Variants in EXOC6B observed in about 807,000 individuals in gnomAD.
EXOC6B encodes SEC15 homolog B.
In EXOC6B, 54 loss-of-function variants were observed where a neutral mutation model predicts 113.5. The ratio of observed to expected loss-of-function variants is 0.48; its 90% confidence interval spans 0.38 to 0.60. EXOC6B has a LOEUF of 0.60. Among genes scored for constraint, EXOC6B ranks in the 20% least tolerant of loss-of-function variants. The pLI, the probability that EXOC6B is intolerant of heterozygous loss-of-function variation, is 0.00. For synonymous variants in EXOC6B, 357 were observed against 339.0 expected (o/e 1.05, Z -0.58); for missense variants, 797 against 977.5 (o/e 0.82, Z 2.46).
intron 19 of EXOC6B, among the ~76,000 whole-genome samples, chr2:72,367,290 T>A (rs1282371670): frequency 6.6e-6 from 1 of 150,544 alleles, no homozygotes; most frequent in East Asian, 2.0e-4. Flanking sequence ...TACAACAGAG[T>A]CTGAGCTAAT....
intron 6 of EXOC6B, among the ~76,000 whole-genome samples, chr2:72,586,849 A>G (rs1362792939): frequency 6.6e-6 from 1 of 152,164 alleles, no homozygotes; most frequent in Admixed American, 6.5e-5. Context: ...ATGCAAATCA[A>G]AACCACAATG....
At chr2:72,401,630 T>TATATATAC (rs1164948527) in intron 18 of EXOC6B, among the ~76,000 whole-genome samples, 1 of 48,340 alleles carries the variant, frequency 2.1e-5, no homozygotes, top group Non-Finnish European at 3.1e-5. Context: ...TACATATATA[T>TATATATAC]ATATATACAT....
At chr2:72,552,194 A>AG (rs1339262126) in intron 8 of EXOC6B, among the ~76,000 whole-genome samples, 60 of 152,314 alleles carry the variant, frequency 3.9e-4, no homozygotes, top group African/African-American at 1.2e-3. Context: ...ATGTTATTTG[A>AG]GGGAAAAAAA....
At chr2:72,680,979 C>G (rs996053660) in intron 6 of EXOC6B, among the ~76,000 whole-genome samples, 64 of 152,278 alleles carry the variant, frequency 4.2e-4, no homozygotes, top group African/African-American at 1.5e-3. Flanking sequence ...CCTCCTTTAA[C>G]CTATCCTCTG....
At chr2:72,414,964 T>C (rs528887846) in intron 18 of EXOC6B, among the ~76,000 whole-genome samples, 99 of 152,312 alleles carry the variant, frequency 6.5e-4, no homozygotes, top group Admixed American at 2.2e-3. Flanking sequence ...TAGGGTGGTC[T>C]CAAACTAACT....
intron 1 of EXOC6B, among the ~76,000 whole-genome samples, chr2:72,779,795 G>A (rs1683920232): frequency 6.6e-6 from 1 of 152,150 alleles, no homozygotes; most frequent in Admixed American, 6.6e-5. Flanking sequence ...AAAAAAGAAA[G>A]TCCTTTTCCT....
At chr2:72,613,429 T>A (rs1389730220) in intron 6 of EXOC6B, among the ~76,000 whole-genome samples, 1 of 151,890 alleles carries the variant, frequency 6.6e-6, no homozygotes, top group Non-Finnish European at 1.5e-5. Context: ...TATATATTCA[T>A]TAAAATAATA....
intron 20 of EXOC6B, among the ~76,000 whole-genome samples, chr2:72,197,865 A>G (rs1252235851): frequency 6.6e-6 from 1 of 152,214 alleles, no homozygotes; most frequent in Non-Finnish European, 1.5e-5. Context: ...TAGAGTACAT[A>G]ATCCTCCTAA....
intron 1 of EXOC6B, among the ~76,000 whole-genome samples, chr2:72,746,811 A>C (rs1406101627): frequency 2.0e-5 from 3 of 152,102 alleles, no homozygotes; most frequent in Non-Finnish European, 2.9e-5. Flanking sequence ...TGTCCTCTCT[A>C]CTGCATCAGT....
chr2:72,303,020 C>A (rs1686627139), intron 20 of EXOC6B, among the ~76,000 whole-genome samples: 1 of 152,090 alleles, frequency 6.6e-6, no homozygotes, highest in African/African-American at 2.4e-5. Flanking sequence ...TCTGGTGATA[C>A]CAGACCCCCT....
At chr2:72,768,505 A>G (rs916205009) in intron 1 of EXOC6B, among the ~76,000 whole-genome samples, 1 of 151,030 alleles carries the variant, frequency 6.6e-6, no homozygotes, top group Non-Finnish European at 1.5e-5. Flanking sequence ...TTGTTTCTCC[A>G]TGTTGGTCAG....
intron 18 of EXOC6B, among the ~76,000 whole-genome samples, chr2:72,407,945 T>A (rs1279279692): frequency 1.3e-5 from 2 of 152,206 alleles, no homozygotes; most frequent in Admixed American, 6.5e-5. Flanking sequence ...GCAGATGACA[T>A]GATTGTATAT....
intron 20 of EXOC6B, among the ~76,000 whole-genome samples, chr2:72,268,818 C>G (rs1326794249): frequency 6.6e-6 from 1 of 152,102 alleles, no homozygotes; most frequent in African/African-American, 2.4e-5. Flanking sequence ...ATGCTGGCTC[C>G]CCTTCACCTT....
At chr2:72,761,386 TG>T (rs1440622956) in intron 1 of EXOC6B, among the ~76,000 whole-genome samples, 2 of 152,158 alleles carry the variant, frequency 1.3e-5, no homozygotes, top group African/African-American at 4.8e-5. Context: ...CAAAGTTGCT[TG>T]CCAATAAATT....
intron 1 of EXOC6B, among the ~76,000 whole-genome samples, chr2:72,808,433 C>T (rs1207438476): frequency 1.3e-5 from 2 of 152,020 alleles, no homozygotes; most frequent in Non-Finnish European, 2.9e-5. Context: ...AGAAATCACA[C>T]ACACACAAAC....
At chr2:72,646,248 A>G (rs1199302678) in intron 6 of EXOC6B, among the ~76,000 whole-genome samples, 4 of 152,164 alleles carry the variant, frequency 2.6e-5, no homozygotes, top group Admixed American at 2.0e-4. Flanking sequence ...ACCAGGAAGA[A>G]GTTGAATCTC....
At chr2:72,272,019 G>T (rs1684520817) in intron 20 of EXOC6B, among the ~76,000 whole-genome samples, 1 of 152,050 alleles carries the variant, frequency 6.6e-6, no homozygotes, top group African/African-American at 2.4e-5. Flanking sequence ...TACCTCAATA[G>T]CATTATCACT....
intron 6 of EXOC6B, among the ~76,000 whole-genome samples, chr2:72,698,040 A>G (rs1233981829): frequency 6.6e-6 from 1 of 152,224 alleles, no homozygotes; most frequent in East Asian, 1.9e-4. Context: ...GAAGAAAAGC[A>G]TGTGGTGGTT....
chr2:72,229,178 G>T (rs1465301257), intron 20 of EXOC6B, among the ~76,000 whole-genome samples: 1 of 152,104 alleles, frequency 6.6e-6, no homozygotes, highest in East Asian at 1.9e-4. Context: ...GTGACTGATT[G>T]AGTAGTGATG....
Sources: allele counts gnomAD v4.1 joint callset (sites outside exome capture counted in the v4.1 genomes callset), GRCh38; gene constraint gnomAD v4.1.1; transcripts MANE v1.5; gene names NCBI Gene and HGNC (gene_info 2026-07-23, HGNC 2026-07-21).